TULP4: variants seen among roughly 807,000 people sequenced by gnomAD.
TULP4 encodes the protein TUB like protein 4.
Under a neutral mutation model 129.0 loss-of-function variants are expected in TULP4, and 16 were observed. The observed-to-expected ratio is 0.12, with a 90% confidence interval of 0.08 to 0.19. The LOEUF is 0.19. Ranked by LOEUF, TULP4 falls within the 10% of genes least tolerant of loss-of-function variation. The pLI, the probability that TULP4 is intolerant of heterozygous loss-of-function variation, is 1.00. For synonymous variants in TULP4, 998 were observed against 854.0 expected, an observed-to-expected ratio of 1.17 and a Z score of -2.94; for missense variants, 1,842 against 2,059.1, an observed-to-expected ratio of 0.89 and a Z score of 2.04.
At chr6:158,334,522 G>C (rs1386758352) in intron 1 of TULP4, among the ~76,000 whole-genome samples, 1 of 152,298 alleles carries the variant, frequency 6.6e-6, no homozygotes, top group African/African-American at 2.4e-5. Context: ...ATCAGCAATA[G>C]ACATGAGTAA....
chr6:158,342,947 A>ATGTGTGTGTGTGTG (rs5881254), intron 1 of TULP4, among the ~76,000 whole-genome samples: 4,590 of 147,514 alleles, frequency 0.031, 109 homozygotes, highest in Non-Finnish European at 0.039. Flanking sequence ...TTAAAAATAA[A>ATGTGTGTGTGTGTG]TGTGTGTGTG....
At chr6:158,456,034 A>G (rs1779285477) in intron 5 of TULP4, among the ~76,000 whole-genome samples, 1 of 152,192 alleles carries the variant, frequency 6.6e-6, no homozygotes, top group Non-Finnish European at 1.5e-5. Context: ...AAAGGAGGGA[A>G]ATGGGGAGGT....
chr6:158,347,989 T>G (rs1050723403), intron 1 of TULP4, among the ~76,000 whole-genome samples: 1 of 152,096 alleles, frequency 6.6e-6, no homozygotes, highest in African/African-American at 2.4e-5. Context: ...TTTTTTTTTC[T>G]TGATCTTTAT....
chr6:158,333,299 G>C (rs1760708969), intron 1 of TULP4, among the ~76,000 whole-genome samples: 1 of 152,178 alleles, frequency 6.6e-6, no homozygotes, highest in Non-Finnish European at 1.5e-5. Flanking sequence ...GATGAGATTA[G>C]TGCCCTAAAA....
intron 1 of TULP4, among the ~76,000 whole-genome samples, chr6:158,300,304 G>C (rs971072644): frequency 2.6e-5 from 4 of 152,184 alleles, no homozygotes; most frequent in African/African-American, 7.2e-5. Context: ...ACACTGGCTT[G>C]CCTTCATTTA....
In TULP4 at chr6:158,503,776, A is replaced by G. The variant is rs1562595761; in HGVS notation, c.4113A>G (p.Leu1371=). 6 of 1,614,104 alleles carry G rather than the reference A, an allele frequency of 3.7e-6. No individual in the cohort carries two copies. In the East Asian group the frequency reaches 1.3e-4, roughly 36 times the overall value. ...EARTLSDFNS[L]ISSPHLGREK... is the part of the protein sequence containing the mutation. Reference sequence around the variant, plus strand: ...GGACTTTGAGTGACTTTAATTCCCTAATCTCCAGCCCACACCTGGGGAGAG... The same window carrying G: ...GGACTTTGAGTGACTTTAATTCCCTGATCTCCAGCCCACACCTGGGGAGAG... The change falls in exon 13 of 14, where the codon CTA becomes CTG. Residue 1371 remains leucine (L), a synonymous_variant. Transcript: ENST00000367097. The surrounding 1 kb of genome is among the most constrained non-coding windows in gnomAD (Gnocchi z 4.3).
In TULP4 at chr6:158,481,279, T is replaced by C. The variant is rs1779939094; in HGVS notation, c.1476T>C (p.Asp492=). ...PEFVIMDPRT[D]SKPDEIYGNS... ...TCGTCATCATGGACCCGCGGACAGA[T>C]AGCAAACCAGGTGGGCCCCTCACCC... The change falls in exon 8 of 14, where the codon GAT becomes GAC. Residue 492 remains aspartate, a synonymous_variant. Coordinates refer to ENST00000367097, the MANE Select transcript of TULP4 (RefSeq NM_020245.5). The C allele has an allele frequency of 6.2e-7, 1 of 1,613,570 alleles. No individual in the cohort carries two copies. The highest frequency in any genetic ancestry group is 8.5e-7 in the Non-Finnish European group (1 of 1,179,718).
At chr6:158,298,894 C>T (rs977398532) in intron 1 of TULP4, among the ~76,000 whole-genome samples, 1 of 151,944 alleles carries the variant, frequency 6.6e-6, no homozygotes, top group African/African-American at 2.4e-5. Flanking sequence ...ATACCTGGGT[C>T]AAGAAGAATT....
intron 2 of TULP4, among the ~76,000 whole-genome samples, chr6:158,415,389 G>T (rs1317291682): frequency 1.4e-5 from 2 of 138,486 alleles, no homozygotes; most frequent in Non-Finnish European, 3.0e-5. Flanking sequence ...ACGCTCTGTC[G>T]CCCAGGCTGG....
chr6:158,504,659 A>AT (rs10716708), intron 13 of TULP4, among the ~76,000 whole-genome samples: 27 of 148,496 alleles, frequency 1.8e-4, no homozygotes, highest in Admixed American at 4.7e-4. Flanking sequence ...CCCAGCCCTA[A>AT]TTTTTTTTTT....
intron 1 of TULP4, among the ~76,000 whole-genome samples, chr6:158,323,946 C>A (rs1779691474): frequency 6.8e-6 from 1 of 147,652 alleles, no homozygotes; most frequent in South Asian, 2.2e-4. Flanking sequence ...TTTTCATATG[C>A]AGGTCATTTT....
At chr6:158,365,504 T>C (rs1161706240) in intron 1 of TULP4, among the ~76,000 whole-genome samples, 2 of 150,930 alleles carry the variant, frequency 1.3e-5, no homozygotes, top group Non-Finnish European at 2.9e-5. Flanking sequence ...TGAGACAGAG[T>C]CTTGCTCTGT....
intron 1 of TULP4, among the ~76,000 whole-genome samples, chr6:158,335,103 C>T (rs942325606): frequency 6.6e-6 from 1 of 151,986 alleles, no homozygotes; most frequent in African/African-American, 2.4e-5. Context: ...TGGTGAAACC[C>T]GGTCTCTACT....
intron 1 of TULP4, among the ~76,000 whole-genome samples, chr6:158,239,704 T>G: frequency 1.8e-5 from 1 of 56,258 alleles, no homozygotes; most frequent in African/African-American, 5.7e-5. Context: ...CACTTCCCAG[T>G]AGGGGCGGCC....
intron 3 of TULP4, among the ~76,000 whole-genome samples, chr6:158,435,039 C>T (rs1778721020): frequency 6.6e-6 from 1 of 152,254 alleles, no homozygotes; most frequent in Non-Finnish European, 1.5e-5. Context: ...GAACTCTTCC[C>T]AGGCTGCGGC....
intron 2 of TULP4, among the ~76,000 whole-genome samples, chr6:158,421,501 T>C (rs1281439749): frequency 6.6e-6 from 1 of 152,218 alleles, no homozygotes; most frequent in African/African-American, 2.4e-5. Context: ...CCGGGATTGA[T>C]AGAAAGATAA....
chr6:158,317,186 G>GT (rs11416618), intron 1 of TULP4, among the ~76,000 whole-genome samples: 130,603 of 151,708 alleles, frequency 0.86, 56,645 homozygotes, highest in South Asian at 0.93. Flanking sequence ...TACTTTTTTG[G>GT]TTTTTTTTGA....
intron 1 of TULP4, among the ~76,000 whole-genome samples, chr6:158,293,151 C>G (rs1405293616): frequency 6.6e-6 from 1 of 152,212 alleles, no homozygotes; most frequent in Non-Finnish European, 1.5e-5. Flanking sequence ...TGTTCATATT[C>G]TCAGAATCGG....
At chr6:158,351,028 A>G (rs1780505454) in intron 1 of TULP4, among the ~76,000 whole-genome samples, 2 of 152,118 alleles carry the variant, frequency 1.3e-5, no homozygotes, top group Admixed American at 1.3e-4. Context: ...TGCTAGTATT[A>G]CAGGCATGAG....
Sources: allele counts gnomAD v4.1 joint callset (sites outside exome capture counted in the v4.1 genomes callset), GRCh38; gene constraint gnomAD v4.1.1; non-coding constraint Gnocchi (gnomAD v3.1); transcripts MANE v1.5; gene names NCBI Gene and HGNC (gene_info 2026-07-23, HGNC 2026-07-21).